Variants in CDH12 observed in about 807,000 individuals in gnomAD.
CDH12 encodes the protein cadherin-12.
CDH12 carries 41 observed loss-of-function variants against 74.1 expected under a neutral mutation model. The ratio of observed to expected loss-of-function variants is 0.55; its 90% confidence interval spans 0.43 to 0.72. The LOEUF (loss-of-function observed/expected upper bound fraction) is 0.72. CDH12 is among the 30% of genes least tolerant of loss of function. CDH12 has a pLI of 0.00. For missense variants in CDH12, 945 were observed against 977.2 expected (o/e 0.97, Z 0.44); for synonymous variants, 399 against 355.0 (o/e 1.12, Z -1.39).
chr5:22,666,295 TTTTTTTG>T (rs914795857), intron 1 of CDH12, among the ~76,000 whole-genome samples: 3 of 87,812 alleles, frequency 3.4e-5, no homozygotes, highest in African/African-American at 1.3e-4. Context: ...TTTTTTTTTT[TTTTTTTG>T]TTTTTGAGAC....
intron 3 of CDH12, among the ~76,000 whole-genome samples, chr5:22,231,498 T>G (rs1473842927): frequency 1.3e-5 from 2 of 152,020 alleles, no homozygotes; most frequent in South Asian, 2.1e-4. Context: ...ACCATTAAAG[T>G]AGCAAGTAAA....
intron 1 of CDH12, among the ~76,000 whole-genome samples, chr5:22,651,537 A>G (rs1739736114): frequency 6.6e-6 from 1 of 152,134 alleles, no homozygotes. Context: ...TTTACTCACT[A>G]TCATGAGACC....
chr5:22,514,888 C>T (rs995415311), intron 1 of CDH12, among the ~76,000 whole-genome samples: 7 of 152,178 alleles, frequency 4.6e-5, no homozygotes, highest in Non-Finnish European at 1.0e-4. Flanking sequence ...AAGAACCCTA[C>T]CTGACATTAT....
intron 3 of CDH12, among the ~76,000 whole-genome samples, chr5:22,396,481 A>G (rs1279822083): frequency 6.6e-6 from 1 of 152,116 alleles, no homozygotes; most frequent in Non-Finnish European, 1.5e-5. Context: ...TAAGGCAATA[A>G]TTTTATTAGA....
chr5:21,924,742 CT>C (rs1189798710), intron 6 of CDH12, among the ~76,000 whole-genome samples: 1 of 152,120 alleles, frequency 6.6e-6, no homozygotes, highest in Non-Finnish European at 1.5e-5. Flanking sequence ...CTGACTTTCT[CT>C]TTTGTGGCTT....
chr5:22,693,092 C>T (rs893065712), intron 1 of CDH12, among the ~76,000 whole-genome samples: 3 of 151,530 alleles, frequency 2.0e-5, no homozygotes, highest in Non-Finnish European at 4.4e-5. Context: ...CTCAAGCCAT[C>T]TTCCTGCTTC....
intron 9 of CDH12, among the ~76,000 whole-genome samples, chr5:21,813,997 C>G (rs1035410961): frequency 6.6e-6 from 1 of 152,038 alleles, no homozygotes; most frequent in African/African-American, 2.4e-5. Flanking sequence ...GCCCTATCTC[C>G]ATAGTGGAGT....
intron 3 of CDH12, among the ~76,000 whole-genome samples, chr5:22,244,890 A>G (rs1423614759): frequency 1.3e-5 from 2 of 152,070 alleles, no homozygotes; most frequent in Admixed American, 6.6e-5. Flanking sequence ...AACTCCCTCT[A>G]TAGGTAATAT....
intron 3 of CDH12, among the ~76,000 whole-genome samples, chr5:22,221,195 C>T (rs934687290): frequency 6.6e-6 from 1 of 151,826 alleles, no homozygotes; most frequent in African/African-American, 2.4e-5. Flanking sequence ...TTTTGTTTAG[C>T]TTTTAATCTG....
At chr5:22,700,991 C>T (rs912731545) in intron 1 of CDH12, among the ~76,000 whole-genome samples, 3 of 152,094 alleles carry the variant, frequency 2.0e-5, no homozygotes, top group Admixed American at 2.0e-4. Flanking sequence ...ATTACTCTTC[C>T]TTTATTTTAC....
chr5:22,104,166 C>G (rs960690965), intron 4 of CDH12, among the ~76,000 whole-genome samples: 7 of 152,102 alleles, frequency 4.6e-5, no homozygotes, highest in African/African-American at 1.7e-4. Flanking sequence ...AGATATCATA[C>G]CTACATTATA....
intron 1 of CDH12, among the ~76,000 whole-genome samples, chr5:22,603,914 T>G (rs1736972273): frequency 6.6e-6 from 1 of 152,124 alleles, no homozygotes; most frequent in Admixed American, 6.5e-5. Context: ...GATTTCATGC[T>G]AATGGGAATA....
At chr5:22,760,820 C>A (rs1746187023) in intron 1 of CDH12, among the ~76,000 whole-genome samples, 1 of 150,778 alleles carries the variant, frequency 6.6e-6, no homozygotes. Context: ...AATTGAGTAA[C>A]TGAAATTGAA....
At chr5:21,844,250 C>A (rs563049608) in intron 7 of CDH12, among the ~76,000 whole-genome samples, 2 of 152,056 alleles carry the variant, frequency 1.3e-5, no homozygotes, top group African/African-American at 4.8e-5. Context: ...AAAAGAATAA[C>A]TTCTTGAAAA....
intron 3 of CDH12, among the ~76,000 whole-genome samples, chr5:22,238,078 G>A (rs2150379103): frequency 6.6e-6 from 1 of 152,222 alleles, no homozygotes; most frequent in African/African-American, 2.4e-5. Context: ...CATCTTTCTT[G>A]ATTGACCCTG....
At chr5:22,419,984 T>A (rs1386642712) in intron 2 of CDH12, among the ~76,000 whole-genome samples, 3 of 140,116 alleles carry the variant, frequency 2.1e-5, no homozygotes, top group African/African-American at 7.7e-5. Context: ...TTGCCCATAT[T>A]TTAATGGGGT....
At chr5:22,292,735 GAC>G (rs1323497313) in intron 3 of CDH12, among the ~76,000 whole-genome samples, 4 of 151,876 alleles carry the variant, frequency 2.6e-5, no homozygotes, top group African/African-American at 7.3e-5. Context: ...TTATCAAAAA[GAC>G]AAAAAATTAC....
intron 9 of CDH12, among the ~76,000 whole-genome samples, chr5:21,812,107 A>G (rs1462577563): frequency 6.6e-6 from 1 of 152,094 alleles, no homozygotes; most frequent in Non-Finnish European, 1.5e-5. Context: ...AACAATATGT[A>G]CTTCAGATCA....
intron 2 of CDH12, among the ~76,000 whole-genome samples, chr5:22,496,343 T>C (rs1747105794): frequency 6.6e-6 from 1 of 152,154 alleles, no homozygotes; most frequent in South Asian, 2.1e-4. Flanking sequence ...AGAATTTTGT[T>C]GGAGGGGTTC....
Sources: allele counts gnomAD v4.1 joint callset (sites outside exome capture counted in the v4.1 genomes callset), GRCh38; gene constraint gnomAD v4.1.1; transcripts MANE v1.5; gene names NCBI Gene and HGNC (gene_info 2026-07-23, HGNC 2026-07-21).